The following TBC1D4 variants were observed in gnomAD, a reference collection of about 807,000 sequenced individuals.
TBC1D4 encodes the protein TBC1 domain family member 4.
In TBC1D4, 121 loss-of-function variants were observed where a neutral mutation model predicts 142.5. The observed-to-expected ratio is 0.85, with a 90% confidence interval of 0.73 to 0.99. The LOEUF (loss-of-function observed/expected upper bound fraction) is 0.99. TBC1D4 is among the 50% of genes least tolerant of loss of function. TBC1D4 has a pLI of 0.00. For synonymous variants in TBC1D4, 630 were observed against 628.2 expected (o/e 1.00, Z -0.04); for missense variants, 1,475 against 1,606.6 (o/e 0.92, Z 1.40).
At chr13:75,379,294 T>C (rs1372741042) in intron 1 of TBC1D4, among the ~76,000 whole-genome samples, 2 of 152,058 alleles carry the variant, frequency 1.3e-5, no homozygotes, top group South Asian at 2.1e-4. Context: ...TTTCAAGATA[T>C]GTCTAAAAAA....
chr13:75,396,473 A>G (rs1158633247), intron 1 of TBC1D4, among the ~76,000 whole-genome samples: 2 of 152,202 alleles, frequency 1.3e-5, no homozygotes, highest in Non-Finnish European at 2.9e-5. Context: ...TTAAATAGGG[A>G]CTGAAAGGTG....
chr13:75,351,981 C>T (rs1006659323), intron 4 of TBC1D4, among the ~76,000 whole-genome samples: 25 of 152,184 alleles, frequency 1.6e-4, no homozygotes, highest in African/African-American at 3.9e-4. Context: ...TTTTATACTA[C>T]GTGTAAATTC....
At chr13:75,313,354 G>C (rs1312664417) in intron 12 of TBC1D4, among the ~76,000 whole-genome samples, 2 of 152,168 alleles carry the variant, frequency 1.3e-5, no homozygotes, top group East Asian at 3.9e-4. Flanking sequence ...CGACTGTTAA[G>C]ATGTGTCTCT....
chr13:75,386,153 T>TAC (rs1390749953), intron 1 of TBC1D4, among the ~76,000 whole-genome samples: 1 of 152,214 alleles, frequency 6.6e-6, no homozygotes, highest in Non-Finnish European at 1.5e-5. Context: ...TGGGCCAAGC[T>TAC]ACCAATGAGA....
chr13:75,307,356 A>G (rs73220075), intron 14 of TBC1D4, among the ~76,000 whole-genome samples: 1,897 of 152,316 alleles, frequency 0.012, 20 homozygotes, highest in Non-Finnish European at 0.019. Context: ...AGTTCTCTCT[A>G]ATTTGATGGT....
At chr13:75,435,969 A>C (rs1886783997) in intron 1 of TBC1D4, among the ~76,000 whole-genome samples, 1 of 152,226 alleles carries the variant, frequency 6.6e-6, no homozygotes, top group Admixed American at 6.5e-5. Context: ...TTTATATACA[A>C]TGGTGATATC....
At chr13:75,406,277 T>C (rs1885336197) in intron 1 of TBC1D4, among the ~76,000 whole-genome samples, 1 of 152,222 alleles carries the variant, frequency 6.6e-6, no homozygotes, top group Admixed American at 6.5e-5. Context: ...AACACTGGAT[T>C]CCTTATAATT....
At chr13:75,349,689 G>C (rs1881447672) in intron 4 of TBC1D4, among the ~76,000 whole-genome samples, 1 of 152,240 alleles carries the variant, frequency 6.6e-6, no homozygotes, top group East Asian at 1.9e-4. Context: ...CAACAAAATA[G>C]GTCCAACATT....
intron 20 of TBC1D4, 105 bp downstream of exon 20, chr13:75,288,829 T>C: frequency 1.7e-6 from 2 of 1,208,618 alleles, no homozygotes; most frequent in Admixed American, 3.6e-5. Context: ...GGGCTCTTGG[T>C]TAGCAATGGT....
Position 75,472,608 on chromosome 13 carries a change from G to A in TBC1D4, c.498+8662C>T, listed in dbSNP as rs77223808. Among the ~76,000 whole-genome samples the A allele has an allele frequency of 4.5e-3, 692 of 152,122 alleles. 12 individuals are homozygous for A. The highest frequency in any genetic ancestry group is 0.016 in the African/African-American group (674 of 41,414). ...CAGCCTTAGAAGGAGCTAACAGGAAGGGGCGAGGACCATAACTAGATACTC... is the reference window on the plus strand; with the variant it reads ...CAGCCTTAGAAGGAGCTAACAGGAAAGGGCGAGGACCATAACTAGATACTC... On this transcript the variant is annotated intron_variant, in intron 1 of 20. Transcript: ENST00000377636.
chr13:75,449,157 G>A (rs370516580), intron 1 of TBC1D4, among the ~76,000 whole-genome samples: 164 of 151,980 alleles, frequency 1.1e-3, no homozygotes, highest in African/African-American at 2.9e-3. Context: ...ATCCCCCCGT[G>A]TCCTCAGGGA....
chr13:75,302,211 T>C (rs1215038849), intron 16 of TBC1D4, 32 bp downstream of exon 16: 4 of 1,613,814 alleles, frequency 2.5e-6, no homozygotes, highest in Non-Finnish European at 3.4e-6. Context: ...GCTGTTTACT[T>C]TTGTAAATTA....
rs889667951 is a variant in TBC1D4 at position 75,362,486 on chromosome 13, C to T, written c.620G>A (p.Cys207Tyr). ...CTTGTGGGTCACGGTCACCTTTCCA[C>T]AGTACAGGACTTCGAACTTCTGAGA... ...YNSQKFEVLY[C>Y]GKVTVTHKKA... The change falls in exon 2 of 21, where the codon TGT becomes TAT. Residue 207 changes from cysteine to tyrosine, a missense_variant. This residue lies in a region of TBC1D4 where 1,227 missense variants were observed against 1,267.7 expected (regional missense o/e 0.97). Coordinates refer to ENST00000377636, the MANE Select transcript of TBC1D4 (RefSeq NM_014832.5). This position sits in a 1 kb window ranked among gnomAD's most constrained non-coding sequence, Gnocchi z 4.2. 1 of 1,614,222 alleles carries T rather than the reference C, an allele frequency of 6.2e-7. No individual in the cohort carries two copies. Among genetic ancestry groups the T allele is most frequent in the Non-Finnish European group, 8.5e-7 (1 of 1,180,040 alleles).
In TBC1D4 at chr13:75,315,329, CA is replaced by C. The variant is rs959506493; in HGVS notation, c.2223-2432del. On this transcript the variant is annotated intron_variant, in intron 12 of 20. Transcript: ENST00000377636. ...TCCCAAAAAACAAAACAAAACAAAACAAAAAACCTTCCTGAATATTGAATAT... is the reference window on the plus strand; with the variant it reads ...TCCCAAAAAACAAAACAAAACAAAACAAAAACCTTCCTGAATATTGAATAT... Among the ~76,000 whole-genome samples, 4 of 147,886 alleles carry C rather than the reference CA, an allele frequency of 2.7e-5. No individual in the cohort carries two copies. The East Asian group carries it at 8.0e-4, about 30-fold the overall frequency.
In TBC1D4 at chr13:75,288,920, C is replaced by T. The variant is rs1416573920; in HGVS notation, c.3663+14G>A. ...CATTGAAGTACTTATTTGCTCAAAT[C>T]TTTATTTCTTTACCTGTAATTTTTC... On this transcript the variant is annotated intron_variant, in intron 20 of 20. Coordinates refer to ENST00000377636, the MANE Select transcript of TBC1D4 (RefSeq NM_014832.5). The T allele has an allele frequency of 6.2e-7, 1 of 1,613,332 alleles. No individual in the cohort carries two copies. The highest frequency in any genetic ancestry group is 1.1e-5 in the South Asian group (1 of 91,068).
chr13:75,472,123 A>AG (rs1555326443), intron 1 of TBC1D4, among the ~76,000 whole-genome samples: 11 of 146,954 alleles, frequency 7.5e-5, no homozygotes, highest in African/African-American at 1.5e-4. Context: ...AAAAAAAAAA[A>AG]AAAGAAAAGA....
Position 75,283,824 on chromosome 13 carries a change from T to G in TBC1D4, c.*2968A>C, listed in dbSNP as rs531667774. Among the ~76,000 whole-genome samples, 6 of 152,340 alleles carry G rather than the reference T, an allele frequency of 3.9e-5. No homozygotes were observed. The highest frequency in any genetic ancestry group is 1.4e-4 in the African/African-American group (6 of 41,584). On this transcript the variant is annotated 3_prime_UTR_variant, in exon 21 of 21. Transcript: ENST00000377636. Reference sequence around the variant, plus strand: ...CTAAATTATCTTTGTTGTCTGACTCTATTAGGAAGAATTATTTGTGTAGCA... The same window carrying G: ...CTAAATTATCTTTGTTGTCTGACTCGATTAGGAAGAATTATTTGTGTAGCA...
At chr13:75,457,786 T>C (rs1420378352) in intron 1 of TBC1D4, among the ~76,000 whole-genome samples, 2 of 152,176 alleles carry the variant, frequency 1.3e-5, no homozygotes, top group East Asian at 3.8e-4. Flanking sequence ...GAAATCTCTG[T>C]TGTCCAACAA....
intron 4 of TBC1D4, among the ~76,000 whole-genome samples, chr13:75,352,576 T>C (rs755288769): frequency 2.6e-5 from 4 of 151,940 alleles, no homozygotes; most frequent in Admixed American, 1.3e-4. Flanking sequence ...TTAAACAAGA[T>C]GAAGCTGCTC....
Sources: allele counts gnomAD v4.1 joint callset (sites outside exome capture counted in the v4.1 genomes callset), GRCh38; gene constraint gnomAD v4.1.1; regional missense constraint gnomAD v4.1.1; non-coding constraint Gnocchi (gnomAD v3.1); transcripts MANE v1.5; gene names NCBI Gene and HGNC (gene_info 2026-07-23, HGNC 2026-07-21).